SUCLG2: variants seen among roughly 807,000 people sequenced by gnomAD.
The protein encoded by SUCLG2 is succinate--CoA ligase [GDP-forming] subunit beta, mitochondrial.
A neutral mutation model predicts 47.9 loss-of-function variants in SUCLG2; 42 were observed. The ratio of observed to expected loss-of-function variants is 0.88; its 90% CI spans 0.69 to 1.14. The LOEUF is 1.14. Among genes scored for constraint, SUCLG2 ranks in the 50% most tolerant of loss-of-function variants. The pLI is 0.00. For synonymous variants in SUCLG2, 195 were observed against 197.3 expected (o/e 0.99, Z 0.10); for missense variants, 571 against 525.9 (o/e 1.09, Z -0.84).
chr3:67,485,059 A>G (rs1195542416), intron 9 of SUCLG2, among the ~76,000 whole-genome samples: 1 of 152,182 alleles, frequency 6.6e-6, no homozygotes, highest in Non-Finnish European at 1.5e-5. Context: ...TTGAACAGGA[A>G]GATATTAAAC....
At chr3:67,573,973 T>C (rs1367321153) in intron 2 of SUCLG2, among the ~76,000 whole-genome samples, 2 of 152,168 alleles carry the variant, frequency 1.3e-5, no homozygotes, top group African/African-American at 4.8e-5. Context: ...ATTCAGGTGA[T>C]TAACAGAATT....
chr3:67,413,151 T>C (rs1702965462), intron 9 of SUCLG2, among the ~76,000 whole-genome samples: 1 of 152,210 alleles, frequency 6.6e-6, no homozygotes, highest in African/African-American at 2.4e-5. Context: ...TACACCCCAG[T>C]TAAAGGCAGA....
In SUCLG2 at chr3:67,375,819, G is replaced by A. The variant is rs774004856; in HGVS notation, c.1224C>T (p.Ser408=). The change falls in exon 11 of 11, where the codon AGC becomes AGT. Residue 408 remains serine (S), a synonymous_variant. Transcript: ENST00000307227. The part of the protein sequence containing the change: ...VQEAQKILNN[S]GLPITSAIDL... ...CAATGGCTGAAGTAATGGGGAGTCC[G>A]CTGTTGTTGAGTATCTTCTGGGCCT... 7 of 1,613,792 alleles carry A rather than the reference G, an allele frequency of 4.3e-6. No homozygotes were observed. The highest frequency in any genetic ancestry group is 4.5e-5 in the East Asian group (2 of 44,888).
chr3:67,378,064 G>A (rs1043113915), intron 10 of SUCLG2, among the ~76,000 whole-genome samples: 1 of 152,188 alleles, frequency 6.6e-6, no homozygotes, highest in African/African-American at 2.4e-5. Context: ...GAATGAGAAA[G>A]ACCCTTCTAT....
intron 10 of SUCLG2, among the ~76,000 whole-genome samples, chr3:67,398,603 G>A (rs1702607334): frequency 1.3e-5 from 2 of 152,000 alleles, no homozygotes; most frequent in South Asian, 4.1e-4. Context: ...CATTGTGGAA[G>A]TCAGTATGGC....
intron 10 of SUCLG2, among the ~76,000 whole-genome samples, chr3:67,381,078 G>C (rs957154351): frequency 5.9e-5 from 9 of 152,228 alleles, no homozygotes; most frequent in Admixed American, 5.2e-4. Context: ...TCAGGAGGCT[G>C]AGGTCAGAGG....
chr3:67,635,648 C>T (rs1700997408), intron 1 of SUCLG2, among the ~76,000 whole-genome samples: 1 of 152,048 alleles, frequency 6.6e-6, no homozygotes, highest in South Asian at 2.1e-4. Context: ...TCTGAGACAC[C>T]CTCCCACCCC....
intron 2 of SUCLG2, among the ~76,000 whole-genome samples, chr3:67,576,665 G>A (rs931523284): frequency 1.3e-5 from 2 of 152,168 alleles, no homozygotes; most frequent in African/African-American, 4.8e-5. Flanking sequence ...AAACCTTCTC[G>A]AAGAAACTTA....
chr3:67,499,231 T>G (rs577190163), intron 7 of SUCLG2, among the ~76,000 whole-genome samples: 2 of 152,194 alleles, frequency 1.3e-5, no homozygotes, highest in Non-Finnish European at 2.9e-5. Flanking sequence ...GGGAGAGCAC[T>G]TAAAATATAT....
intron 2 of SUCLG2, among the ~76,000 whole-genome samples, chr3:67,579,637 A>T (rs949631801): frequency 6.6e-6 from 1 of 152,202 alleles, no homozygotes; most frequent in Non-Finnish European, 1.5e-5. Flanking sequence ...TTCTAGGAGC[A>T]CAGTGATATT....
Position 67,393,845 on chromosome 3 carries a change from A to G in SUCLG2, c.1183+6886T>C, listed in dbSNP as rs555725869. ...AAAACTTCCAGAGGAACGATCAGAC[A>G]GCAGCATTCGCGGTTCATGAAAACC... On this transcript the variant is annotated intron_variant, in intron 10 of 10. Coordinates refer to ENST00000307227, the MANE Select transcript of SUCLG2 (RefSeq NM_003848.4). 4.1e-4 allele frequency among the ~76,000 whole-genome samples: 63 copies of G among 152,276 alleles called. No individual in the cohort carries two copies. The South Asian group carries it at 0.011, about 26-fold the overall frequency.
intron 1 of SUCLG2, among the ~76,000 whole-genome samples, chr3:67,632,655 G>A (rs73092613): frequency 0.029 from 4,355 of 152,210 alleles, 141 homozygotes; most frequent in Non-Finnish European, 0.037. Context: ...AATACAAGCT[G>A]ACCAGGGAAT....
chr3:67,458,676 A>T (rs1262847070), intron 9 of SUCLG2, among the ~76,000 whole-genome samples: 1 of 152,168 alleles, frequency 6.6e-6, no homozygotes, highest in African/African-American at 2.4e-5. Flanking sequence ...AGGGGAAAAA[A>T]GCACCTTGAG....
At chr3:67,575,101 AG>A (rs1467915347) in intron 2 of SUCLG2, among the ~76,000 whole-genome samples, 3 of 152,224 alleles carry the variant, frequency 2.0e-5, no homozygotes, top group Admixed American at 6.5e-5. Context: ...TGCATTGATA[AG>A]GGGACTGTAA....
At chr3:67,628,935 G>A (rs556757127) in intron 1 of SUCLG2, among the ~76,000 whole-genome samples, 8 of 152,164 alleles carry the variant, frequency 5.3e-5, no homozygotes, top group Non-Finnish European at 8.8e-5. Flanking sequence ...AGTGAGCAGC[G>A]GGAAAAGGCA....
chr3:67,480,244 C>T (rs1346725961), intron 9 of SUCLG2, among the ~76,000 whole-genome samples: 1 of 152,150 alleles, frequency 6.6e-6, no homozygotes, highest in East Asian at 1.9e-4. Flanking sequence ...AGTTGGCTTA[C>T]ACCTGGGAAG....
intron 9 of SUCLG2, among the ~76,000 whole-genome samples, chr3:67,436,375 TCA>T (rs1415036808): frequency 1.3e-5 from 2 of 152,144 alleles, no homozygotes; most frequent in East Asian, 3.9e-4. Flanking sequence ...GGAGATGGGC[TCA>T]GTCATTATGG....
At chr3:67,516,613 T>G (rs1705951707) in intron 6 of SUCLG2, among the ~76,000 whole-genome samples, 2 of 152,226 alleles carry the variant, frequency 1.3e-5, no homozygotes, top group South Asian at 4.1e-4. Context: ...CACCTAGTCA[T>G]GCACATGACA....
intron 2 of SUCLG2, among the ~76,000 whole-genome samples, chr3:67,600,771 T>C (rs1708402372): frequency 6.6e-6 from 1 of 152,242 alleles, no homozygotes; most frequent in South Asian, 2.1e-4. Context: ...TTTTTGCCTT[T>C]TGAGTGGCTG....
Sources: allele counts gnomAD v4.1 joint callset (sites outside exome capture counted in the v4.1 genomes callset), GRCh38; gene constraint gnomAD v4.1.1; transcripts MANE v1.5; gene names NCBI Gene and HGNC (gene_info 2026-07-23, HGNC 2026-07-21).